The following MRPS18A variants were observed in gnomAD, a reference collection of about 807,000 sequenced individuals.
MRPS18A encodes mitochondrial ribosomal protein S18A.
MRPS18A carries 20 observed loss-of-function variants against 22.7 expected under a neutral mutation model. That is an observed-to-expected ratio of 0.88 (90% CI 0.62 to 1.28). The LOEUF (loss-of-function observed/expected upper bound fraction) is 1.28. Among genes scored for constraint, MRPS18A ranks in the 50% most tolerant of loss-of-function variants. The pLI, the probability that MRPS18A is intolerant of heterozygous loss-of-function variation, is 0.00. For missense variants in MRPS18A, 294 were observed against 262.6 expected (o/e 1.12, Z -0.83); for synonymous variants, 106 against 99.1 (o/e 1.07, Z -0.41).
At chr6:43,675,639 G>T (rs571436906) in intron 3 of MRPS18A, 22 bp from the exon 4 acceptor site, 3 of 1,589,288 alleles carry the variant, frequency 1.9e-6, no homozygotes, top group African/African-American at 2.7e-5. Flanking sequence ...CGAAAATAGG[G>T]GATGAGGGTC....
chr6:43,672,031 T>C (rs1773733471), intron 5 of MRPS18A, 125 bp from the exon 6 acceptor site: 10 of 1,141,662 alleles, frequency 8.8e-6, no homozygotes, highest in Non-Finnish European at 1.2e-5. Flanking sequence ...CCAGTTTCCC[T>C]TTCCTGAAGT....
chr6:43,686,540 T>C (rs1021481314), intron 1 of MRPS18A, among the ~76,000 whole-genome samples: 1 of 152,238 alleles, frequency 6.6e-6, no homozygotes, highest in African/African-American at 2.4e-5. Context: ...CTGGATTCCT[T>C]GTTTGCCACT....
At chr6:43,678,428 A>T in intron 3 of MRPS18A, 90 bp downstream of exon 3, 1 of 948,918 alleles carries the variant, frequency 1.1e-6, no homozygotes, top group Non-Finnish European at 1.7e-6. Context: ...ATGCAGCAGT[A>T]GCTACAGCGG....
At chr6:43,672,573 G>A (rs575856083) in intron 5 of MRPS18A, 1 of 362,024 alleles carries the variant, frequency 2.8e-6, no homozygotes. Flanking sequence ...GTTTTACTCT[G>A]TCCAGAATAA....
chr6:43,671,804 G>A lies in MRPS18A; in HGVS notation c.549C>T (p.Asp183=), dbSNP rs1251740551. 1 of 1,614,214 alleles carries A rather than the reference G, an allele frequency of 6.2e-7. No individual in the cohort carries two copies. The highest frequency in any genetic ancestry group is 1.3e-5 in the African/African-American group (1 of 75,056). Residue 183 remains aspartate (D), a synonymous_variant, in exon 6 of 6, where the codon GAC becomes GAT. Coordinates refer to ENST00000372133, the MANE Select transcript of MRPS18A (RefSeq NM_018135.4). ...RMPVGSPLLR[D]NVCYSRTPWK... Reference sequence around the variant, plus strand: ...AAGGTGTTCTTGAGTAGCAGACATTGTCCCTCAGAAGGGGTGACCCCACGG... The same window carrying A: ...AAGGTGTTCTTGAGTAGCAGACATTATCCCTCAGAAGGGGTGACCCCACGG...
rs757367527 is a variant in MRPS18A, at chr6:43,671,823, C to T, written c.530G>A (p.Gly177Glu). 2.5e-6 allele frequency: 4 copies of T among 1,614,056 alleles called. No individual in the cohort carries two copies. In the African/African-American group the frequency reaches 5.3e-5, roughly 22 times the overall value. ...PRWNRVRMPVGSPLLRDNVCY... is the reference protein window; with the variant it reads ...PRWNRVRMPVESPLLRDNVCY... ...GACATTGTCCCTCAGAAGGGGTGAC[C>T]CCACGGGCATGCGCACCCTGTTCCA... Residue 177 changes from glycine (G) to glutamate (E), a missense_variant, in exon 6 of 6, where the codon GGG (glycine) becomes GAG (glutamate). By Grantham distance (98) the Gly-to-Glu change is moderately conservative. Transcript: ENST00000372133.
intron 3 of MRPS18A, 119 bp downstream of exon 3, chr6:43,678,399 T>C: frequency 1.3e-6 from 1 of 749,728 alleles, no homozygotes; most frequent in Non-Finnish European, 2.3e-6. Context: ...AATGCTCCCA[T>C]CTCTGGTGGT....
chr6:43,675,476 G>A lies in MRPS18A; in HGVS notation c.376+18C>T, dbSNP rs751999346. On this transcript the variant is annotated intron_variant, in intron 4 of 5. Transcript: ENST00000372133. ...TGCCTGCAGCCCTCTGCCCCTCTTGGTCCCCAGGGCCTTCTACCTGCTCGG... is the reference window on the plus strand; with the variant it reads ...TGCCTGCAGCCCTCTGCCCCTCTTGATCCCCAGGGCCTTCTACCTGCTCGG... 26 of 1,614,054 alleles carry A rather than the reference G, an allele frequency of 1.6e-5. No homozygotes were observed. Among genetic ancestry groups the A allele is most frequent in the African/African-American group, 4.0e-5 (3 of 74,912 alleles).
intron 3 of MRPS18A, among the ~76,000 whole-genome samples, chr6:43,677,803 G>GGTAA (rs1774142588): frequency 6.6e-6 from 1 of 152,140 alleles, no homozygotes; most frequent in Non-Finnish European, 1.5e-5. Flanking sequence ...AATTAAAACA[G>GGTAA]GTAAGTACTC....
At chr6:43,681,035 C>T in intron 2 of MRPS18A, 54 bp downstream of exon 2, 1 of 1,584,762 alleles carries the variant, frequency 6.3e-7, no homozygotes, top group East Asian at 2.2e-5. Context: ...GAGGAGCGGC[C>T]AGGCAGCTCC....
chr6:43,686,054 T>C (rs1398819748), intron 1 of MRPS18A, among the ~76,000 whole-genome samples: 2 of 152,246 alleles, frequency 1.3e-5, no homozygotes, highest in Non-Finnish European at 2.9e-5. Flanking sequence ...TCCTCCCACC[T>C]TGGCCTTCCA....
intron 2 of MRPS18A, 91 bp downstream of exon 2, chr6:43,680,998 G>A (rs906670958): frequency 4.9e-5 from 59 of 1,209,816 alleles, no homozygotes; most frequent in African/African-American, 2.0e-4. Context: ...GGAGCTGGGC[G>A]TCCAGTTTGG....
chr6:43,674,439 T>G lies in MRPS18A; in HGVS notation c.446+763A>C, dbSNP rs546851683. Among the ~76,000 whole-genome samples the G allele has an allele frequency of 5.3e-5, 8 of 152,300 alleles. No individual in the cohort carries two copies. In the East Asian group the frequency reaches 1.4e-3, roughly 26 times the overall value. Reference sequence around the variant, plus strand: ...CTGGACAGGAGGAAAGGGCCATTGGTAGGGAGAAGAACCCCCTCAAATCAA... The same window carrying G: ...CTGGACAGGAGGAAAGGGCCATTGGGAGGGAGAAGAACCCCCTCAAATCAA... On this transcript the variant is annotated intron_variant, in intron 5 of 5. Transcript: ENST00000372133.
intron 5 of MRPS18A, 139 bp from the exon 6 acceptor site, chr6:43,672,045 G>C: frequency 9.4e-7 from 1 of 1,061,204 alleles, no homozygotes; most frequent in South Asian, 1.7e-5. Context: ...CTGAAGTGCA[G>C]GGATTTTCCT....
Position 43,671,531 on chromosome 6 carries a change from T to C in MRPS18A, c.*231A>G, listed in dbSNP as rs575807489. On this transcript the variant is annotated 3_prime_UTR_variant, in exon 6 of 6. Transcript: ENST00000372133. ...AGCACTGAGCATGGCCTAAGCCCCA[T>C]AGCAGCTGGCAAGGGACCCAACTGC... is the stretch of plus-strand genomic sequence containing the variant. 3.4e-6 allele frequency: 2 copies of C among 580,224 alleles called. No homozygotes were observed. The highest frequency in any genetic ancestry group is 6.1e-6 in the Non-Finnish European group (2 of 326,318). The allele number at this position is 580,224 out of a possible 1,614,324, so 35.9% of individuals were successfully genotyped here.
intron 1 of MRPS18A, among the ~76,000 whole-genome samples, 188 bp from the exon 2 acceptor site, chr6:43,681,308 CG>C (rs1774400362): frequency 6.6e-6 from 1 of 152,214 alleles, no homozygotes; most frequent in South Asian, 2.1e-4. Flanking sequence ...GCCCTTGAGG[CG>C]GGGTGGGGGC....
Position 43,675,548 on chromosome 6 carries a change from A to G in MRPS18A, c.322T>C (p.Cys108Arg), listed in dbSNP as rs1187312579. Residue 108 changes from cysteine (C) to arginine (R), a missense_variant, in exon 4 of 6, where the codon TGC becomes CGC. Cys to Arg is a radical substitution (Grantham distance 180, BLOSUM62 -3). Transcript: ENST00000372133. ...GMLPRKITGL[C>R]QEEHRKIEEC... ...TCGATCTTGCGGTGTTCTTCCTGGC[A>G]TAGGCCTGTGATCTTTCGGGGCAGC... 6.2e-7 allele frequency: 1 copy of G among 1,614,086 alleles called. No individual in the cohort carries two copies. Among genetic ancestry groups the G allele is most frequent in the Admixed American group, 1.7e-5 (1 of 60,014 alleles).
chr6:43,673,609 T>C lies in MRPS18A; in HGVS notation c.446+1593A>G, dbSNP rs1413103613. Among the ~76,000 whole-genome samples, 6 of 152,088 alleles carry C rather than the reference T, an allele frequency of 3.9e-5. No homozygotes were observed. In the South Asian group the frequency reaches 1.0e-3, roughly 26 times the overall value. ...GGCCGGGTGGCCTCCAGCCAGCTCT[T>C]TGGGAACACCCCAGCTCTAGCAAGA... On this transcript the variant is annotated intron_variant, in intron 5 of 5. Coordinates refer to ENST00000372133, the MANE Select transcript of MRPS18A (RefSeq NM_018135.4). This position sits in a 1 kb window ranked among gnomAD's most constrained non-coding sequence, Gnocchi z 4.2.
intron 1 of MRPS18A, among the ~76,000 whole-genome samples, chr6:43,684,463 C>T (rs939878889): frequency 1.3e-4 from 20 of 152,190 alleles, no homozygotes; most frequent in African/African-American, 4.8e-4. Flanking sequence ...TCAAGCCCTG[C>T]TTCCTCCAGT....
Sources: gnomAD v4.1 joint callset for allele counts (sites outside exome capture counted in the v4.1 genomes callset) on GRCh38, gnomAD v4.1.1 for gene constraint, Gnocchi (gnomAD v3.1) non-coding constraint, MANE v1.5 for transcripts, NCBI Gene and HGNC (gene_info 2026-07-23, HGNC 2026-07-21) for gene names.